Variants in CFAP77 observed in about 807,000 individuals in gnomAD.
The protein encoded by CFAP77 is cilia- and flagella-associated protein 77.
In CFAP77, 25 loss-of-function variants were observed where a neutral mutation model predicts 31.1. The ratio of observed to expected loss-of-function variants is 0.80; its 90% CI spans 0.59 to 1.12. The LOEUF (loss-of-function observed/expected upper bound fraction) is 1.12. CFAP77 is among the 50% of genes most tolerant of loss of function. CFAP77 has a pLI of 0.00. For missense variants in CFAP77, 377 were observed against 397.3 expected (o/e 0.95, Z 0.44); for synonymous variants, 151 against 159.9 (o/e 0.94, Z 0.42).
intron 1 of CFAP77, among the ~76,000 whole-genome samples, chr9:132,419,969 TG>T (rs1850182340): frequency 6.6e-6 from 1 of 152,182 alleles, no homozygotes; most frequent in African/African-American, 2.4e-5. Flanking sequence ...GAAACCAGCC[TG>T]GGCAACATAA....
chr9:132,459,047 C>CA (rs1436395010), intron 1 of CFAP77, among the ~76,000 whole-genome samples: 2 of 151,160 alleles, frequency 1.3e-5, no homozygotes, highest in Non-Finnish European at 2.9e-5. Context: ...CTTCTGGTGG[C>CA]AGCCCAGTCT....
intron 1 of CFAP77, among the ~76,000 whole-genome samples, chr9:132,461,658 G>A (rs980839185): frequency 7.2e-5 from 11 of 152,182 alleles, no homozygotes; most frequent in African/African-American, 2.7e-4. Context: ...GGTTTGTCGT[G>A]GGGGATATTG....
chr9:132,410,371 C>T lies in CFAP77; in HGVS notation c.100C>T (p.Arg34Trp), dbSNP rs1849965798. The change falls in exon 1 of 6, where the codon CGG becomes TGG. Residue 34 changes from arginine (R) to tryptophan (W), a missense_variant. Arg to Trp is a moderately radical substitution (Grantham distance 101). Transcript: ENST00000393216. ...CAGCCAGGTCTGCCCGCCCCCGCGG[C>T]GGCCCCTGACCGTGGCGGACATCCG... ...TVSQVCPPPR[R>W]PLTVADIRSG... is the part of the protein sequence containing the mutation. The T allele has an allele frequency of 2.5e-6, 4 of 1,598,766 alleles. No individual in the cohort carries two copies. The highest frequency in any genetic ancestry group is 2.7e-5 in the African/African-American group (2 of 72,898).
chr9:132,417,822 C>A (rs767601207), intron 1 of CFAP77, among the ~76,000 whole-genome samples: 44 of 152,196 alleles, frequency 2.9e-4, no homozygotes, highest in Non-Finnish European at 4.6e-4. Context: ...TTTAAGTCAA[C>A]GTTAAATGTC....
Position 132,426,732 on chromosome 9 carries a change from ACTCT to A in CFAP77, c.195+16270_195+16273del, listed in dbSNP as rs1037546840. On this transcript the variant is annotated intron_variant, in intron 1 of 5. Transcript: ENST00000393216. ...CATCACTGTTTGCCTAAGAAAGAAG[ACTCT>A]CTCACCCTCTGTGCTACCGAATTCA... Among the ~76,000 whole-genome samples, 67 of 151,674 alleles carry A rather than the reference ACTCT, an allele frequency of 4.4e-4. 1 individual carries two copies. The highest frequency in any genetic ancestry group is 1.5e-3 in the African/African-American group (62 of 41,316).
intron 3 of CFAP77, among the ~76,000 whole-genome samples, chr9:132,522,665 C>T (rs1852288416): frequency 6.6e-6 from 1 of 152,236 alleles, no homozygotes; most frequent in African/African-American, 2.4e-5. Flanking sequence ...AAACTGCATT[C>T]TTGAAAGGTC....
At chr9:132,520,501 C>T (rs1475490694) in intron 3 of CFAP77, among the ~76,000 whole-genome samples, 7 of 152,074 alleles carry the variant, frequency 4.6e-5, no homozygotes, top group Non-Finnish European at 1.5e-5. Flanking sequence ...TAAAAATTAG[C>T]CAGTTACGGT....
Position 132,498,259 on chromosome 9 carries a change from T to G in CFAP77, c.196-436T>G, listed in dbSNP as rs1851777204. Among the ~76,000 whole-genome samples, 1 of 152,026 alleles carries G rather than the reference T, an allele frequency of 6.6e-6. No individual in the cohort carries two copies. The highest frequency in any genetic ancestry group is 6.6e-5 in the Admixed American group (1 of 15,258). On this transcript the variant is annotated intron_variant, in intron 1 of 5. Transcript: ENST00000393216. This position sits in a 1 kb window ranked among gnomAD's most constrained non-coding sequence, Gnocchi z 4.2. ...ACAATGGTTTGAGTGGTCCCTGGTATGAGGAAGGTGGGAATGAAGGTAGGA... is the reference window on the plus strand; with the variant it reads ...ACAATGGTTTGAGTGGTCCCTGGTAGGAGGAAGGTGGGAATGAAGGTAGGA...
At chr9:132,525,261 C>A (rs1046142626) in intron 3 of CFAP77, among the ~76,000 whole-genome samples, 1 of 152,090 alleles carries the variant, frequency 6.6e-6, no homozygotes, top group Non-Finnish European at 1.5e-5. Flanking sequence ...ATCAAGTGAT[C>A]CACCCGCGTT....
intron 3 of CFAP77, among the ~76,000 whole-genome samples, chr9:132,529,439 A>G (rs958913544): frequency 3.0e-5 from 4 of 132,072 alleles, no homozygotes; most frequent in Non-Finnish European, 5.2e-5. Flanking sequence ...GCGCACCAGC[A>G]TGGCACATGT....
intron 3 of CFAP77, among the ~76,000 whole-genome samples, chr9:132,502,449 T>C (rs1393252363): frequency 1.3e-5 from 2 of 152,014 alleles, no homozygotes; most frequent in African/African-American, 4.8e-5. Context: ...CAAGAACTTT[T>C]TCATCATCCC....
intron 3 of CFAP77, chr9:132,513,205 C>T: frequency 6.7e-7 from 1 of 1,495,238 alleles, no homozygotes; most frequent in Non-Finnish European, 9.0e-7. Flanking sequence ...TTATTATTGA[C>T]TCTAGTCAAG....
At chr9:132,562,371 C>G (rs1462498956) in intron 5 of CFAP77, among the ~76,000 whole-genome samples, 1 of 152,260 alleles carries the variant, frequency 6.6e-6, no homozygotes, top group African/African-American at 2.4e-5. Flanking sequence ...GAGGCAGAGC[C>G]TGGCGTGACC....
chr9:132,537,533 G>T, intron 3 of CFAP77, 68 bp from the exon 4 acceptor site: 1 of 1,169,918 alleles, frequency 8.5e-7, no homozygotes, highest in Non-Finnish European at 1.2e-6. Context: ...CCCGGGGGCG[G>T]GCGGTGGGGA....
At position 132,416,329 on chromosome 9, in the gene CFAP77, ATTTTTTTTTT is replaced by A. The variant is rs71503303; in HGVS notation, c.195+5882_195+5891del. On this transcript the variant is annotated intron_variant, in intron 1 of 5. Coordinates refer to ENST00000393216, the MANE Select transcript of CFAP77 (RefSeq NM_001282957.2). ...ATAACTGTTGAGTGCTTCTTATCTG[ATTTTTTTTTT>A]TTTTTTTTTTTTTTTTTTGAGACAA... Among the ~76,000 whole-genome samples the A allele has an allele frequency of 3.1e-3, 188 of 60,312 alleles. 3 individuals are homozygous for A. In the Middle Eastern group the frequency reaches 0.047, roughly 15 times the overall value. The allele number at this position is 60,312 out of a possible 152,430, so 39.6% of individuals were successfully genotyped here. A position where few individuals can be genotyped will look rare whatever the true frequency, so the allele number is the denominator to read the frequency against.
At chr9:132,482,080 CA>C (rs1359255498) in intron 1 of CFAP77, among the ~76,000 whole-genome samples, 1 of 151,884 alleles carries the variant, frequency 6.6e-6, no homozygotes, top group East Asian at 1.9e-4. Flanking sequence ...ATGATCCCTG[CA>C]GCTGTCAAAA....
rs1056466799 is a variant in CFAP77 at position 132,480,004 on chromosome 9, G to A, written c.196-18691G>A. Among the ~76,000 whole-genome samples, 3 of 152,210 alleles carry A rather than the reference G, an allele frequency of 2.0e-5. No individual in the cohort carries two copies. Among genetic ancestry groups the A allele is most frequent in the Admixed American group, 6.5e-5 (1 of 15,286 alleles). On this transcript the variant is annotated intron_variant, in intron 1 of 5. Transcript: ENST00000393216. This position sits in a 1 kb window ranked among gnomAD's most constrained non-coding sequence, Gnocchi z 5.8. Reference sequence around the variant, plus strand: ...TCCCTGAGCAGGAGAAGCAGATGATGCGGCTCTGGATGACACGGATGGAGA... The same window carrying A: ...TCCCTGAGCAGGAGAAGCAGATGATACGGCTCTGGATGACACGGATGGAGA...
chr9:132,515,195 T>G (rs1421860638), intron 3 of CFAP77, among the ~76,000 whole-genome samples: 1 of 152,168 alleles, frequency 6.6e-6, no homozygotes, highest in Non-Finnish European at 1.5e-5. Flanking sequence ...GAAGGTGACA[T>G]CTCTACTTTT....
intron 3 of CFAP77, among the ~76,000 whole-genome samples, chr9:132,523,319 C>A (rs1852302910): frequency 6.6e-6 from 1 of 152,108 alleles, no homozygotes; most frequent in Non-Finnish European, 1.5e-5. Context: ...GAACTCCTGA[C>A]CTCAAGTGAT....
Sources: gnomAD v4.1 joint callset for allele counts (sites outside exome capture counted in the v4.1 genomes callset) on GRCh38, gnomAD v4.1.1 for gene constraint, Gnocchi (gnomAD v3.1) non-coding constraint, MANE v1.5 for transcripts, NCBI Gene and HGNC (gene_info 2026-07-23, HGNC 2026-07-21) for gene names.